Variants in RIPOR2 observed in about 807,000 individuals in gnomAD.
RIPOR2 encodes rho family-interacting cell polarization regulator 2.
In RIPOR2, 39 loss-of-function variants were observed where a neutral mutation model predicts 114.5. The ratio of observed to expected loss-of-function variants is 0.34; its 90% CI spans 0.26 to 0.44. The LOEUF (loss-of-function observed/expected upper bound fraction) is 0.44, where lower values mean the gene tolerates loss of function less well. Ranked by LOEUF, RIPOR2 falls within the 20% of genes least tolerant of loss-of-function variation. RIPOR2 has a pLI of 1.00. For synonymous variants in RIPOR2, 445 were observed against 484.4 expected (o/e 0.92, Z 1.07); for missense variants, 1,007 against 1,255.1 (o/e 0.80, Z 2.99).
At chr6:24,911,090 A>G in intron 1 of RIPOR2, 1 of 585,326 alleles carries the variant, frequency 1.7e-6, no homozygotes. Flanking sequence ...CGGAGCGCGG[A>G]GCTAGAGCGG....
chr6:24,941,833 T>C (rs1772149123), intron 1 of RIPOR2, among the ~76,000 whole-genome samples: 1 of 152,112 alleles, frequency 6.6e-6, no homozygotes. Flanking sequence ...CTCCTCCCCT[T>C]TTTTTAACCT....
intron 1 of RIPOR2, among the ~76,000 whole-genome samples, chr6:24,951,895 C>A (rs920059054): frequency 2.0e-5 from 3 of 152,166 alleles, no homozygotes; most frequent in Non-Finnish European, 2.9e-5. Context: ...GACTACCTTG[C>A]CACAACAGGA....
intron 9 of RIPOR2, 21 bp downstream of exon 9, chr6:24,852,554 C>T: frequency 1.9e-6 from 3 of 1,604,164 alleles, no homozygotes; most frequent in Non-Finnish European, 2.6e-6. Flanking sequence ...ATTCCAGCAC[C>T]TAGACCAAGA....
chr6:24,954,611 A>G (rs1285372540), intron 1 of RIPOR2, among the ~76,000 whole-genome samples: 1 of 151,888 alleles, frequency 6.6e-6, no homozygotes, highest in Non-Finnish European at 1.5e-5. Context: ...ATGTGTCACC[A>G]TGCCTGGCAA....
chr6:24,898,852 A>T (rs1768136277), intron 1 of RIPOR2, among the ~76,000 whole-genome samples: 1 of 152,142 alleles, frequency 6.6e-6, no homozygotes, highest in Admixed American at 6.5e-5. Flanking sequence ...TCATAACAAA[A>T]ACATATTTAC....
intron 15 of RIPOR2, among the ~76,000 whole-genome samples, chr6:24,833,240 G>T (rs1366935492): frequency 6.6e-6 from 1 of 152,116 alleles, no homozygotes; most frequent in Non-Finnish European, 1.5e-5. Flanking sequence ...AAACAAATAG[G>T]ATTTTCAAAC....
intron 1 of RIPOR2, among the ~76,000 whole-genome samples, chr6:24,910,055 T>G (rs543368124): frequency 6.6e-6 from 1 of 152,258 alleles, no homozygotes; most frequent in South Asian, 2.1e-4. Flanking sequence ...CCCACTGCCC[T>G]GTAAGAGGGA....
intron 1 of RIPOR2, among the ~76,000 whole-genome samples, chr6:24,921,008 T>G (rs1207789858): frequency 6.6e-6 from 1 of 152,190 alleles, no homozygotes; most frequent in African/African-American, 2.4e-5. Context: ...AAGACAACAG[T>G]CAGAATGATC....
At chr6:24,990,590 A>G (rs956743617) in intron 1 of RIPOR2, among the ~76,000 whole-genome samples, 1 of 152,230 alleles carries the variant, frequency 6.6e-6, no homozygotes, top group Non-Finnish European at 1.5e-5. Context: ...TATGACCATG[A>G]TGGTTTATAG....
intron 1 of RIPOR2, among the ~76,000 whole-genome samples, chr6:25,033,662 G>A (rs1351198160): frequency 1.3e-5 from 2 of 152,156 alleles, no homozygotes; most frequent in South Asian, 2.1e-4. Context: ...ATTCTTTTTT[G>A]TCTTCACTCA....
At chr6:24,953,541 G>A (rs1223262331) in intron 1 of RIPOR2, among the ~76,000 whole-genome samples, 1 of 152,142 alleles carries the variant, frequency 6.6e-6, no homozygotes, top group African/African-American at 2.4e-5. Flanking sequence ...GCTGAGATGG[G>A]GTTCAGGCCA....
At chr6:24,926,134 G>T (rs756831295) in intron 1 of RIPOR2, among the ~76,000 whole-genome samples, 81 of 152,240 alleles carry the variant, frequency 5.3e-4, no homozygotes, top group Non-Finnish European at 4.9e-4. Flanking sequence ...TTTTCAGTGG[G>T]TGTTATCTTT....
intron 1 of RIPOR2, among the ~76,000 whole-genome samples, chr6:24,980,393 G>A (rs1346272016): frequency 6.6e-6 from 1 of 152,096 alleles, no homozygotes; most frequent in Non-Finnish European, 1.5e-5. Context: ...CAAGACACCT[G>A]GTCATCTAAA....
chr6:24,987,091 A>T (rs990418530), intron 1 of RIPOR2, among the ~76,000 whole-genome samples: 2 of 152,208 alleles, frequency 1.3e-5, no homozygotes, highest in African/African-American at 4.8e-5. Flanking sequence ...CAAATAAGCA[A>T]ATTTCAGCTC....
chr6:24,828,117 G>T lies in RIPOR2; in HGVS notation c.2665+20C>A. On this transcript the variant is annotated intron_variant, in intron 18 of 21. Coordinates refer to ENST00000643898, the MANE Select transcript of RIPOR2 (RefSeq NM_001286445.3). Reference sequence around the variant, plus strand: ...CCAAATTGAGCCACCACTACAATGTGACAAAAGAACATGTCCCACCTTGCC... The same window carrying T: ...CCAAATTGAGCCACCACTACAATGTTACAAAAGAACATGTCCCACCTTGCC... The T allele has an allele frequency of 6.5e-7, 1 of 1,531,872 alleles. No individual in the cohort carries two copies. Among genetic ancestry groups the T allele is most frequent in the South Asian group, 1.2e-5 (1 of 81,798 alleles). 94.9% of individuals were successfully genotyped at this position (1,531,872 alleles called of 1,614,324 possible).
At chr6:24,979,092 C>G (rs573548846) in intron 1 of RIPOR2, among the ~76,000 whole-genome samples, 1 of 152,216 alleles carries the variant, frequency 6.6e-6, no homozygotes, top group East Asian at 1.9e-4. Flanking sequence ...TAATTGGCCT[C>G]TCAACATTTT....
intron 1 of RIPOR2, among the ~76,000 whole-genome samples, chr6:24,931,256 A>C (rs1771370572): frequency 6.6e-6 from 1 of 152,002 alleles, no homozygotes; most frequent in Non-Finnish European, 1.5e-5. Context: ...ATGGAAAGAC[A>C]AAAAAAATAG....
At chr6:24,839,908 A>C in intron 13 of RIPOR2, 1 of 485,068 alleles carries the variant, frequency 2.1e-6, no homozygotes, top group Non-Finnish European at 2.7e-6. Context: ...CACCTAGCCC[A>C]TGTTCCCTAG....
chr6:25,024,415 A>T, intron 1 of RIPOR2: 1 of 1,095,858 alleles, frequency 9.1e-7, no homozygotes, highest in Non-Finnish European at 1.4e-6. Context: ...TCCTTCACCC[A>T]CACGAGGATG....
Sources: gnomAD v4.1 joint callset for allele counts (sites outside exome capture counted in the v4.1 genomes callset) on GRCh38, gnomAD v4.1.1 for gene constraint, MANE v1.5 for transcripts, NCBI Gene and HGNC (gene_info 2026-07-23, HGNC 2026-07-21) for gene names.